Variants in ECT2L observed in about 807,000 individuals in gnomAD.
ECT2L encodes epithelial cell-transforming sequence 2 oncogene-like.
A neutral mutation model predicts 122.8 loss-of-function variants in ECT2L; 126 were observed. That is an observed-to-expected ratio of 1.03 (90% CI 0.89 to 1.19). ECT2L has a LOEUF of 1.19. Ranked by LOEUF, ECT2L falls within the 50% of genes most tolerant of loss-of-function variation. The pLI, the probability that ECT2L is intolerant of heterozygous loss-of-function variation, is 0.00. For synonymous variants in ECT2L, 385 were observed against 381.8 expected, an observed-to-expected ratio of 1.01 and a Z score of -0.10; for missense variants, 1,012 against 1,064.1, an observed-to-expected ratio of 0.95 and a Z score of 0.68.
In ECT2L at chr6:138,902,737, T is replaced by G; in HGVS notation, c.*110T>G. 7.7e-7 allele frequency: 1 copy of G among 1,302,210 alleles called. No individual in the cohort carries two copies. Among genetic ancestry groups the G allele is most frequent in the Non-Finnish European group, 1.1e-6 (1 of 927,470 alleles). The allele number at this position is 1,302,210 out of a possible 1,614,324, so 80.7% of individuals were successfully genotyped here. A position where few individuals can be genotyped will look rare whatever the true frequency, so the allele number is the denominator to read the frequency against. On this transcript the variant is annotated 3_prime_UTR_variant, in exon 22 of 22. Coordinates refer to ENST00000541398, the MANE Select transcript of ECT2L (RefSeq NM_001077706.3). ...GAAACAGAATAACTGTCATGGATGA[T>G]GAGATAAACTAAGATGACCCATAGG...
intron 10 of ECT2L, among the ~76,000 whole-genome samples, chr6:138,856,186 CAAATACCCCCACCACAGCAATTCTT>C (rs1777602961): frequency 1.5e-5 from 1 of 64,722 alleles, no homozygotes; most frequent in East Asian, 3.2e-4. Context: ...ATCATGTACT[CAAATACCCCCACCACAGCAATTCTT>C]TTTGTCTCCC....
At chr6:138,805,088 T>G (rs966166020) in intron 1 of ECT2L, among the ~76,000 whole-genome samples, 7 of 152,250 alleles carry the variant, frequency 4.6e-5, no homozygotes, top group African/African-American at 9.6e-5. Flanking sequence ...ACATGTATTA[T>G]TTTATTCGCA....
At chr6:138,844,340 C>A (rs980655000) in intron 6 of ECT2L, 72 bp from the exon 7 acceptor site, 7 of 1,528,902 alleles carry the variant, frequency 4.6e-6, no homozygotes, top group African/African-American at 1.4e-5. Flanking sequence ...ATTTTTGATG[C>A]CTTTATCTGT....
intron 4 of ECT2L, among the ~76,000 whole-genome samples, chr6:138,829,883 C>T (rs1360695633): frequency 2.6e-5 from 4 of 152,000 alleles, no homozygotes; most frequent in South Asian, 2.1e-4. Context: ...CCACCATGCC[C>T]GGCTAATTTT....
At chr6:138,828,083 A>T (rs926072999) in intron 4 of ECT2L, among the ~76,000 whole-genome samples, 1 of 151,168 alleles carries the variant, frequency 6.6e-6, no homozygotes, top group Non-Finnish European at 1.5e-5. Flanking sequence ...CCCTCCCCCC[A>T]CCGCATGACA....
rs997642450 is a variant in ECT2L, at chr6:138,889,051, C to T, written c.2414+20C>T. The stretch of plus-strand genomic sequence containing the variant: ...TTTAAGGTAAACAATAGTTAACTAT[C>T]CTAAGGCTGTGGACACCTTCCAAGC... On this transcript the variant is annotated intron_variant, in intron 20 of 21. Coordinates refer to ENST00000541398, the MANE Select transcript of ECT2L (RefSeq NM_001077706.3). 5 of 1,427,234 alleles carry T rather than the reference C, an allele frequency of 3.5e-6. No individual in the cohort carries two copies. The highest frequency in any genetic ancestry group is 1.4e-5 in the South Asian group (1 of 69,158). The allele number at this position is 1,427,234 out of a possible 1,614,324, so 88.4% of individuals were successfully genotyped here. A position where few individuals can be genotyped will look rare whatever the true frequency, so the allele number is the denominator to read the frequency against.
chr6:138,814,970 G>A (rs1052106785), intron 4 of ECT2L, among the ~76,000 whole-genome samples: 4 of 152,198 alleles, frequency 2.6e-5, no homozygotes, highest in African/African-American at 7.2e-5. Flanking sequence ...TTAAATGAAT[G>A]GATGGATCTA....
At chr6:138,893,204 T>TC (rs1779095363) in intron 20 of ECT2L, among the ~76,000 whole-genome samples, 1 of 150,660 alleles carries the variant, frequency 6.6e-6, no homozygotes, top group African/African-American at 2.4e-5. Context: ...TGTTTTTTTT[T>TC]CCCCACCTCT....
At chr6:138,842,922 A>T in intron 5 of ECT2L, 57 bp from the exon 6 acceptor site, 17 of 1,385,288 alleles carry the variant, frequency 1.2e-5, no homozygotes, top group Non-Finnish European at 1.5e-5. Context: ...TGAAAATATT[A>T]TTGCTAGAAA....
intron 7 of ECT2L, among the ~76,000 whole-genome samples, chr6:138,845,808 C>A (rs141391680): frequency 1.3e-5 from 2 of 152,226 alleles, no homozygotes; most frequent in East Asian, 3.9e-4. Flanking sequence ...TGATGGCTCA[C>A]GCTTATAATC....
At chr6:138,833,823 TA>T (rs10661959) in intron 4 of ECT2L, among the ~76,000 whole-genome samples, 5 of 150,034 alleles carry the variant, frequency 3.3e-5, no homozygotes, top group Non-Finnish European at 5.9e-5. Flanking sequence ...AATAAATAAT[TA>T]AAAAAAAATG....
chr6:138,832,547 T>G (rs186881184), intron 4 of ECT2L, among the ~76,000 whole-genome samples: 3 of 152,116 alleles, frequency 2.0e-5, no homozygotes. Flanking sequence ...CTTAAGCCCA[T>G]GCAAGGTACA....
intron 20 of ECT2L, among the ~76,000 whole-genome samples, chr6:138,900,620 A>C (rs892295152): frequency 5.9e-5 from 9 of 152,234 alleles, no homozygotes; most frequent in African/African-American, 2.2e-4. Flanking sequence ...GTACCTAACA[A>C]CACAGATACA....
intron 14 of ECT2L, among the ~76,000 whole-genome samples, chr6:138,877,290 G>A (rs1034366004): frequency 3.3e-5 from 5 of 152,260 alleles, no homozygotes; most frequent in East Asian, 1.9e-4. Context: ...AGTGCAGGCC[G>A]TGGAGCCCCA....
intron 20 of ECT2L, among the ~76,000 whole-genome samples, chr6:138,893,044 TTATTA>T (rs1352062867): frequency 3.3e-5 from 5 of 151,968 alleles, no homozygotes; most frequent in Admixed American, 1.3e-4. Context: ...TGTAATCCCA[TTATTA>T]TACCAGAGCC....
chr6:138,885,173 C>T (rs113594439), intron 16 of ECT2L, among the ~76,000 whole-genome samples: 11,735 of 151,738 alleles, frequency 0.077, 882 homozygotes, highest in East Asian at 0.21. Context: ...GGACTACAGG[C>T]GCCCGCCACC....
chr6:138,854,596 C>T (rs181651174), intron 10 of ECT2L, among the ~76,000 whole-genome samples: 1 of 152,290 alleles, frequency 6.6e-6, no homozygotes, highest in Admixed American at 6.5e-5. Flanking sequence ...ATTAGGCAAA[C>T]TTGTGGACCT....
Position 138,844,430 on chromosome 6 carries a change from G to T in ECT2L, c.614G>T (p.Arg205Leu), listed in dbSNP as rs587778245. Residue 205 changes from arginine (R) to leucine (L), a missense_variant, in exon 7 of 22, where the codon CGA becomes CTA. Transcript: ENST00000541398. ...ALRKKELFKVRPPWVSGTCCS... is the reference protein window; with the variant it reads ...ALRKKELFKVLPPWVSGTCCS... ...TTTTCAGAGGAGTTATTCAAAGTTC[G>T]ACCCCCTTGGGTGAGTGGAACTTGC... The T allele has an allele frequency of 2.5e-6, 4 of 1,613,566 alleles. No homozygotes were observed. In the South Asian group the frequency reaches 4.4e-5, roughly 18 times the overall value.
At chr6:138,877,708 T>G (rs1420439384) in intron 14 of ECT2L, among the ~76,000 whole-genome samples, 1 of 152,080 alleles carries the variant, frequency 6.6e-6, no homozygotes, top group Non-Finnish European at 1.5e-5. Flanking sequence ...CCAAGGCAGG[T>G]GCATCGCTTA....
Sources: allele counts gnomAD v4.1 joint callset (sites outside exome capture counted in the v4.1 genomes callset), GRCh38; gene constraint gnomAD v4.1.1; transcripts MANE v1.5; gene names NCBI Gene and HGNC (gene_info 2026-07-23, HGNC 2026-07-21).